Variants in RBFOX1 observed in about 807,000 individuals in gnomAD.
The protein encoded by RBFOX1 is RNA binding fox-1 homolog 1, also known as RNA binding protein fox-1 homolog 1.
A neutral mutation model predicts 57.7 loss-of-function variants in RBFOX1; 8 were observed. The ratio of observed to expected loss-of-function variants is 0.14; its 90% CI spans 0.08 to 0.25. The LOEUF is 0.25. RBFOX1 is among the 10% of genes least tolerant of loss of function. The pLI, the probability that RBFOX1 is intolerant of heterozygous loss-of-function variation, is 1.00. For missense variants in RBFOX1, 611 were observed against 548.5 expected, an observed-to-expected ratio of 1.11 and a Z score of -1.14; for synonymous variants, 326 against 222.4, an observed-to-expected ratio of 1.47 and a Z score of -4.15.
intron 4 of RBFOX1, among the ~76,000 whole-genome samples, chr16:7,411,103 G>A (rs1289513321): frequency 6.6e-6 from 1 of 152,032 alleles, no homozygotes; most frequent in African/African-American, 2.4e-5. Context: ...GAGCCACCAT[G>A]CCTGACCAAT....
intron 14 of RBFOX1, among the ~76,000 whole-genome samples, chr16:7,700,183 G>C (rs913190739): frequency 6.6e-6 from 1 of 151,990 alleles, no homozygotes; most frequent in Non-Finnish European, 1.5e-5. Flanking sequence ...TGTACCCCTG[G>C]GGCTTTACCG....
chr16:7,367,885 T>TACAG (rs71391626), intron 4 of RBFOX1, among the ~76,000 whole-genome samples: 20 of 148,432 alleles, frequency 1.3e-4, no homozygotes, highest in African/African-American at 4.9e-4. Flanking sequence ...CATGCGTGCA[T>TACAG]ACACACACAC....
intron 14 of RBFOX1, among the ~76,000 whole-genome samples, chr16:7,706,701 A>G (rs1167103664): frequency 6.6e-6 from 1 of 152,190 alleles, no homozygotes; most frequent in Non-Finnish European, 1.5e-5. Flanking sequence ...CCTATTTATG[A>G]AACAGCTTTG....
At chr16:7,107,100 A>G (rs946007417) in intron 4 of RBFOX1, among the ~76,000 whole-genome samples, 3 of 152,110 alleles carry the variant, frequency 2.0e-5, no homozygotes, top group African/African-American at 7.2e-5. Flanking sequence ...CCTGTTTCGA[A>G]AGTTGGGAGG....
At chr16:6,970,079 G>C (rs190348130) in intron 3 of RBFOX1, among the ~76,000 whole-genome samples, 1 of 152,234 alleles carries the variant, frequency 6.6e-6, no homozygotes, top group African/African-American at 2.4e-5. Flanking sequence ...TTGGGAGGCT[G>C]AGGCAGGAAG....
At chr16:6,416,445 C>T (rs1004414517) in intron 2 of RBFOX1, among the ~76,000 whole-genome samples, 71 of 152,242 alleles carry the variant, frequency 4.7e-4, no homozygotes, top group Non-Finnish European at 8.1e-4. Flanking sequence ...CCCTCTAATT[C>T]CTTCCCTCCC....
Position 6,982,015 on chromosome 16 carries a change from C to T in RBFOX1, c.-15-70042C>T, listed in dbSNP as rs185266816. 8.6e-3 allele frequency among the ~76,000 whole-genome samples: 1,302 copies of T among 152,202 alleles called. 13 individuals are homozygous for T. The highest frequency in any genetic ancestry group is 0.037 in the Middle Eastern group (11 of 294). On this transcript the variant is annotated intron_variant, in intron 3 of 15. Coordinates refer to ENST00000550418, the MANE Select transcript of RBFOX1 (RefSeq NM_018723.4). ...AGTGTGTAATACAATTTCTTTGAAC[C>T]CTCGTGTTTTACCTTACAAATTTAT...
At chr16:5,818,546 C>T (rs993335926) in intron 3 of RBFOX1, among the ~76,000 whole-genome samples, 10 of 152,186 alleles carry the variant, frequency 6.6e-5, no homozygotes, top group East Asian at 1.9e-4. Flanking sequence ...CACAAGGAAC[C>T]TCTGAATTGG....
intron 4 of RBFOX1, among the ~76,000 whole-genome samples, chr16:7,054,372 T>A (rs1055391430): frequency 6.6e-6 from 1 of 150,698 alleles, no homozygotes; most frequent in Non-Finnish European, 1.5e-5. Flanking sequence ...CCAGAGTCGC[T>A]GGGATTACAG....
chr16:6,377,005 C>G (rs560591547), intron 2 of RBFOX1, among the ~76,000 whole-genome samples: 3 of 151,878 alleles, frequency 2.0e-5, no homozygotes, highest in African/African-American at 7.3e-5. Flanking sequence ...GGCTCGGTGG[C>G]TCATGCATAT....
intron 3 of RBFOX1, among the ~76,000 whole-genome samples, chr16:7,040,703 T>C (rs146824948): frequency 6.6e-6 from 1 of 152,302 alleles, no homozygotes; most frequent in East Asian, 1.9e-4. Flanking sequence ...CATAGTTTTT[T>C]ATACACAAAT....
At chr16:7,073,312 C>G (rs879283195) in intron 4 of RBFOX1, among the ~76,000 whole-genome samples, 4 of 152,164 alleles carry the variant, frequency 2.6e-5, no homozygotes, top group Non-Finnish European at 5.9e-5. Context: ...GTCAGCCAAT[C>G]CCTTCCCTAT....
intron 4 of RBFOX1, among the ~76,000 whole-genome samples, chr16:7,162,089 G>T (rs916193042): frequency 6.6e-6 from 1 of 152,214 alleles, no homozygotes; most frequent in Non-Finnish European, 1.5e-5. Flanking sequence ...TCACAAGGGA[G>T]TTGGTGTCTT....
intron 2 of RBFOX1, among the ~76,000 whole-genome samples, chr16:6,463,286 A>T (rs1677660446): frequency 6.6e-6 from 1 of 152,170 alleles, no homozygotes. Context: ...CCTTTCTGTT[A>T]ACTCGGATGT....
At chr16:6,364,428 A>C (rs192455375) in intron 2 of RBFOX1, among the ~76,000 whole-genome samples, 2 of 152,212 alleles carry the variant, frequency 1.3e-5, no homozygotes, top group African/African-American at 4.8e-5. Flanking sequence ...TATTATTTTT[A>C]ACACCCACCT....
chr16:6,012,652 G>A (rs1429489588), intron 4 of RBFOX1, among the ~76,000 whole-genome samples: 1 of 152,202 alleles, frequency 6.6e-6, no homozygotes, highest in Non-Finnish European at 1.5e-5. Context: ...TCATCTCATG[G>A]AACAGGGAAT....
chr16:5,641,112 A>G (rs1002461853), intron 3 of RBFOX1, among the ~76,000 whole-genome samples: 3 of 149,724 alleles, frequency 2.0e-5, no homozygotes, highest in Non-Finnish European at 2.9e-5. Flanking sequence ...ACATGCATAC[A>G]CACACATGCA....
intron 4 of RBFOX1, among the ~76,000 whole-genome samples, chr16:7,184,463 A>G (rs112050610): frequency 6.6e-6 from 1 of 152,188 alleles, no homozygotes; most frequent in Non-Finnish European, 1.5e-5. Context: ...GTTCATCTGC[A>G]TTGCATGCAT....
chr16:5,331,640 G>T (rs897669793), intron 1 of RBFOX1, among the ~76,000 whole-genome samples: 2 of 152,254 alleles, frequency 1.3e-5, no homozygotes, highest in Non-Finnish European at 2.9e-5. Context: ...ATCAAAGGGT[G>T]GAGAAATAGG....
Sources: allele counts gnomAD v4.1 joint callset (sites outside exome capture counted in the v4.1 genomes callset), GRCh38; gene constraint gnomAD v4.1.1; transcripts MANE v1.5; gene names NCBI Gene and HGNC (gene_info 2026-07-23, HGNC 2026-07-21).